Variants in FAF1 observed in about 807,000 individuals in gnomAD.
The protein encoded by FAF1 is FAS-associated factor 1.
FAF1 carries 25 observed loss-of-function variants against 92.5 expected under a neutral mutation model. That is an observed-to-expected ratio of 0.27 (90% CI 0.20 to 0.38). FAF1 has a LOEUF of 0.38. FAF1 is among the 10% of genes least tolerant of loss of function. The pLI is 1.00. For synonymous variants in FAF1, 234 were observed against 273.2 expected (o/e 0.86, Z 1.42); for missense variants, 636 against 793.3 (o/e 0.80, Z 2.38).
intron 8 of FAF1, among the ~76,000 whole-genome samples, chr1:50,610,123 C>A (rs193025119): frequency 1.3e-5 from 2 of 152,304 alleles, no homozygotes; most frequent in African/African-American, 4.8e-5. Context: ...TTGATCAAAT[C>A]TTCCGTGGTT....
chr1:50,754,799 A>G (rs1660009612), intron 4 of FAF1, among the ~76,000 whole-genome samples: 1 of 152,178 alleles, frequency 6.6e-6, no homozygotes, highest in Non-Finnish European at 1.5e-5. Context: ...CCCTATAATC[A>G]TGGTGGAAGG....
intron 7 of FAF1, among the ~76,000 whole-genome samples, chr1:50,671,748 G>A (rs78815440): frequency 8.9e-6 from 1 of 111,778 alleles, no homozygotes; most frequent in Non-Finnish European, 1.9e-5. Flanking sequence ...TTTTTTTTTT[G>A]AGACAGAATC....
chr1:50,848,272 T>A (rs564127989), intron 2 of FAF1, among the ~76,000 whole-genome samples: 2 of 152,330 alleles, frequency 1.3e-5, no homozygotes, highest in South Asian at 4.2e-4. Context: ...GTTCCTGGCA[T>A]ATGCAAAAGT....
At chr1:50,533,723 C>A (rs1648312359) in intron 15 of FAF1, among the ~76,000 whole-genome samples, 1 of 152,120 alleles carries the variant, frequency 6.6e-6, no homozygotes, top group African/African-American at 2.4e-5. Context: ...CTAGGGAAAT[C>A]TTTTAAAAAG....
At chr1:50,694,547 T>C (rs72900967) in intron 7 of FAF1, among the ~76,000 whole-genome samples, 383 of 147,432 alleles carry the variant, frequency 2.6e-3, no homozygotes, top group African/African-American at 9.2e-3. Flanking sequence ...TATAACACTA[T>C]AGCCAGGAAA....
chr1:50,857,355 A>G (rs1644398165), intron 2 of FAF1, among the ~76,000 whole-genome samples: 1 of 151,746 alleles, frequency 6.6e-6, no homozygotes, highest in South Asian at 2.1e-4. Flanking sequence ...CATCTGTGTC[A>G]TCCTGACACA....
At chr1:50,714,678 A>T (rs1045893797) in intron 6 of FAF1, among the ~76,000 whole-genome samples, 2 of 152,212 alleles carry the variant, frequency 1.3e-5, no homozygotes, top group African/African-American at 4.8e-5. Context: ...CAGCCACTCA[A>T]GAGACTGGAT....
chr1:50,729,049 TATA>T (rs1658797489), intron 6 of FAF1, among the ~76,000 whole-genome samples: 1 of 95,788 alleles, frequency 1.0e-5, no homozygotes, highest in Admixed American at 1.0e-4. Flanking sequence ...TATATATATA[TATA>T]TATATATTTT....
chr1:50,870,227 C>T (rs1477945817), intron 1 of FAF1, among the ~76,000 whole-genome samples: 1 of 152,180 alleles, frequency 6.6e-6, no homozygotes, highest in East Asian at 1.9e-4. Context: ...GAGGCCAAGG[C>T]GGACTGACTG....
intron 9 of FAF1, among the ~76,000 whole-genome samples, chr1:50,593,730 A>G (rs1651642304): frequency 6.6e-6 from 1 of 152,226 alleles, no homozygotes; most frequent in African/African-American, 2.4e-5. Context: ...GTGGTTTTCT[A>G]AAAAATGTTA....
Position 50,583,637 on chromosome 1 carries a change from A to T in FAF1, c.1031+15T>A, listed in dbSNP as rs1411600582. On this transcript the variant is annotated intron_variant, in intron 11 of 18. Transcript: ENST00000396153. This position sits in a 1 kb window ranked among gnomAD's most constrained non-coding sequence, Gnocchi z 4.2. ...AAACAGCATCAAATTTATATAGTTA[A>T]TGTCCTAACCCTACCTTGAAGAAAA... is the stretch of plus-strand genomic sequence containing the variant. 6.7e-7 allele frequency: 1 copy of T among 1,488,246 alleles called. No homozygotes were observed. The highest frequency in any genetic ancestry group is 9.1e-7 in the Non-Finnish European group (1 of 1,097,544). 92.2% of individuals were successfully genotyped at this position (1,488,246 alleles called of 1,614,324 possible). A position where few individuals can be genotyped will look rare whatever the true frequency, so the allele number is the denominator to read the frequency against.
chr1:50,651,485 A>G (rs1326115699), intron 8 of FAF1, among the ~76,000 whole-genome samples: 1 of 152,164 alleles, frequency 6.6e-6, no homozygotes, highest in Non-Finnish European at 1.5e-5. Flanking sequence ...ATCTAAGGCT[A>G]CTGTATATTT....
Position 50,603,715 on chromosome 1 carries a change from A to C in FAF1, c.745-7499T>G, listed in dbSNP as rs932827932. Among the ~76,000 whole-genome samples the C allele has an allele frequency of 2.0e-5, 3 of 152,202 alleles. No individual in the cohort carries two copies. In the South Asian group the frequency reaches 6.2e-4, roughly 31 times the overall value. ...GGCAGGTTGAAGCAAGCTTATCAAG[A>C]ATGCTAGTTACCAAGTGTACATGCA... On this transcript the variant is annotated intron_variant, in intron 8 of 18. Coordinates refer to ENST00000396153, the MANE Select transcript of FAF1 (RefSeq NM_007051.3).
At chr1:50,809,311 A>G (rs1271958936) in intron 2 of FAF1, among the ~76,000 whole-genome samples, 3 of 152,188 alleles carry the variant, frequency 2.0e-5, no homozygotes, top group Admixed American at 6.5e-5. Context: ...TAAAAGATCA[A>G]TAAGGTCAAG....
chr1:50,884,736 GT>G (rs1156956502), intron 1 of FAF1, among the ~76,000 whole-genome samples: 3 of 151,858 alleles, frequency 2.0e-5, no homozygotes, highest in Non-Finnish European at 4.4e-5. Context: ...TTTGTTTTTT[GT>G]TTTGATGTGT....
intron 17 of FAF1, 68 bp downstream of exon 17, chr1:50,490,516 AAGGT>A (rs1646826081): frequency 8.5e-6 from 6 of 708,766 alleles, no homozygotes; most frequent in African/African-American, 3.7e-5. Flanking sequence ...GGAAGGAAGG[AAGGT>A]AGGTTAACAG....
intron 18 of FAF1, among the ~76,000 whole-genome samples, chr1:50,449,105 C>T (rs1646263285): frequency 6.6e-6 from 1 of 152,080 alleles, no homozygotes; most frequent in Admixed American, 6.6e-5. Context: ...TATTTGAACA[C>T]AAAATGAATG....
intron 8 of FAF1, among the ~76,000 whole-genome samples, chr1:50,627,032 C>T (rs1181669832): frequency 1.3e-5 from 2 of 152,056 alleles, no homozygotes; most frequent in Non-Finnish European, 1.5e-5. Context: ...ATCAGGCATG[C>T]GCAGGGAATA....
chr1:50,739,731 G>A (rs1470004721), intron 5 of FAF1, among the ~76,000 whole-genome samples: 1 of 152,008 alleles, frequency 6.6e-6, no homozygotes, highest in Non-Finnish European at 1.5e-5. Flanking sequence ...TGAGAGGTTA[G>A]GTAACTTGGA....
Sources: gnomAD v4.1 joint callset for allele counts (sites outside exome capture counted in the v4.1 genomes callset) on GRCh38, gnomAD v4.1.1 for gene constraint, Gnocchi (gnomAD v3.1) non-coding constraint, MANE v1.5 for transcripts, NCBI Gene and HGNC (gene_info 2026-07-23, HGNC 2026-07-21) for gene names.